Variants in AUTS2 observed in about 807,000 individuals in gnomAD.
AUTS2 encodes the protein autism susceptibility gene 2 protein.
AUTS2 carries 17 observed loss-of-function variants against 112.4 expected under a neutral mutation model. That is an observed-to-expected ratio of 0.15 (90% CI 0.10 to 0.23). The LOEUF (loss-of-function observed/expected upper bound fraction) is 0.23. AUTS2 is among the 10% of genes least tolerant of loss of function. The probability of loss-of-function intolerance (pLI) is 1.00; values close to 1 mark genes in which losing one functional copy is unlikely to be tolerated. For missense variants in AUTS2, 1,510 were observed against 1,701.6 expected (o/e 0.89, Z 1.98); for synonymous variants, 751 against 702.7 (o/e 1.07, Z -1.09).
chr7:70,396,145 T>C (rs1794071111), intron 4 of AUTS2, among the ~76,000 whole-genome samples: 1 of 152,128 alleles, frequency 6.6e-6, no homozygotes, highest in African/African-American at 2.4e-5. Flanking sequence ...ATCACCACAG[T>C]CAAGATAATG....
In AUTS2 at chr7:70,658,166, T is replaced by C. The variant is rs139680699; in HGVS notation, c.691-40403T>C. 4.7e-3 allele frequency among the ~76,000 whole-genome samples: 721 copies of C among 152,340 alleles called. 8 individuals carry two copies. Among genetic ancestry groups the C allele is most frequent in the African/African-American group, 0.016 (668 of 41,580 alleles). ...CAGTTGAACGCCAAGCCTAGTTTGA[T>C]AGGTACCTACTATGGACCTGGTGGA... On this transcript the variant is annotated intron_variant, in intron 5 of 18. Transcript: ENST00000342771.
In AUTS2 at chr7:70,134,522, A is replaced by G. The variant is rs776718995; in HGVS notation, c.625-14A>G. The G allele has an allele frequency of 6.2e-7, 1 of 1,613,492 alleles. No individual in the cohort carries two copies. The highest frequency in any genetic ancestry group is 2.2e-5 in the East Asian group (1 of 44,852). ...TTGCTGATTTTCCACTTTTGTCTTT[A>G]TGCTTTATTGCAGAGTTCAGCTCCT... On this transcript the variant is annotated splice_polypyrimidine_tract_variant and intron_variant, in intron 3 of 18. Transcript: ENST00000342771.
chr7:70,765,845 A>C (rs1225160783), intron 8 of AUTS2, among the ~76,000 whole-genome samples: 1 of 152,122 alleles, frequency 6.6e-6, no homozygotes, highest in African/African-American at 2.4e-5. Flanking sequence ...TGGAAATCGG[A>C]CTTTGGCATT....
chr7:70,496,890 A>G (rs934705647), intron 5 of AUTS2, among the ~76,000 whole-genome samples: 3 of 123,062 alleles, frequency 2.4e-5, no homozygotes, highest in Admixed American at 8.9e-5. Context: ...ACGTCACATC[A>G]GCGTCGATCA....
Position 70,791,432 on chromosome 7 carries a change from A to G in AUTS2, c.*436A>G, listed in dbSNP as rs1791954691. ...ATGAGCTAATGGTTCATATATGCAA[A>G]AGGGTAAGATGAAAGCTTTACTTTG... On this transcript the variant is annotated 3_prime_UTR_variant, in exon 19 of 19. Transcript: ENST00000342771. 6.3e-6 allele frequency: 1 copy of G among 158,552 alleles called. No homozygotes were observed. The highest frequency in any genetic ancestry group is 6.5e-5 in the Admixed American group (1 of 15,418). The allele number at this position is 158,552 out of a possible 1,614,324, so 9.8% of individuals were successfully genotyped here. A position where few individuals can be genotyped will look rare whatever the true frequency, so the allele number is the denominator to read the frequency against.
At chr7:69,899,945 A>G (rs1432321029) in intron 2 of AUTS2, among the ~76,000 whole-genome samples, 1 of 152,168 alleles carries the variant, frequency 6.6e-6, no homozygotes, top group Non-Finnish European at 1.5e-5. Context: ...TTTTCCGGGG[A>G]AGCTCAGATA....
intron 5 of AUTS2, among the ~76,000 whole-genome samples, chr7:70,529,124 T>G (rs1186778940): frequency 6.6e-6 from 1 of 152,176 alleles, no homozygotes; most frequent in African/African-American, 2.4e-5. Flanking sequence ...AGCTACTTCT[T>G]CTGGGCAGAC....
intron 6 of AUTS2, among the ~76,000 whole-genome samples, chr7:70,719,016 G>A (rs1362373215): frequency 3.9e-5 from 6 of 152,128 alleles, no homozygotes; most frequent in African/African-American, 1.2e-4. Flanking sequence ...CAATCCACTC[G>A]TGATGATACT....
At chr7:70,233,814 A>G (rs936457194) in intron 4 of AUTS2, among the ~76,000 whole-genome samples, 2 of 152,234 alleles carry the variant, frequency 1.3e-5, no homozygotes, top group Admixed American at 6.5e-5. Context: ...GATGCCCAAG[A>G]TGCAGAAGGC....
chr7:70,762,933 C>A lies in AUTS2; in HGVS notation c.806C>A (p.Pro269His). The A allele has an allele frequency of 6.2e-7, 1 of 1,614,074 alleles. No individual in the cohort carries two copies. Among genetic ancestry groups the A allele is most frequent in the Non-Finnish European group, 8.5e-7 (1 of 1,180,018 alleles). ...HDSQDAGPIV[P>H]KISGLERSQE... ...AGCCAGGATGCAGGGCCGATTGTCC[C>A]CAAGATATCGGGTCTAGAGAGAAGC... The change falls in exon 7 of 19, where the codon CCC becomes CAC. Residue 269 changes from proline (P) to histidine (H), a missense_variant. This residue lies in a region of AUTS2 where 535 missense variants were observed against 594.3 expected (regional missense o/e 0.90). Coordinates refer to ENST00000342771, the MANE Select transcript of AUTS2 (RefSeq NM_015570.4).
At chr7:70,393,998 A>G (rs552653422) in intron 4 of AUTS2, among the ~76,000 whole-genome samples, 113 of 152,322 alleles carry the variant, frequency 7.4e-4, no homozygotes, top group African/African-American at 2.6e-3. Context: ...TTTGGCTTCT[A>G]CAGCTACCTC....
chr7:70,179,922 T>C (rs1246204057), intron 4 of AUTS2, among the ~76,000 whole-genome samples: 3 of 152,214 alleles, frequency 2.0e-5, no homozygotes, highest in East Asian at 3.8e-4. Context: ...TCCCATGGGC[T>C]GTAGCTCTGT....
At chr7:70,117,789 C>T (rs907171359) in intron 2 of AUTS2, among the ~76,000 whole-genome samples, 1 of 151,702 alleles carries the variant, frequency 6.6e-6, no homozygotes, top group African/African-American at 2.4e-5. Flanking sequence ...AACGCTGTCG[C>T]CCAGTCTGGA....
intron 5 of AUTS2, among the ~76,000 whole-genome samples, chr7:70,607,217 C>T (rs1006844552): frequency 5.5e-5 from 8 of 146,074 alleles, no homozygotes; most frequent in Non-Finnish European, 1.1e-4. Context: ...CTGCGTGGAG[C>T]TTGCCATGTG....
chr7:70,307,283 C>T (rs577769335), intron 4 of AUTS2, among the ~76,000 whole-genome samples: 2 of 152,188 alleles, frequency 1.3e-5, no homozygotes, highest in South Asian at 2.1e-4. Context: ...TTGACCACAT[C>T]GGTCAGTTTG....
At chr7:69,694,015 A>T (rs1216852931) in intron 1 of AUTS2, among the ~76,000 whole-genome samples, 1 of 152,174 alleles carries the variant, frequency 6.6e-6, no homozygotes, top group African/African-American at 2.4e-5. Context: ...AGATTTGCTG[A>T]ATTTCATGGG....
chr7:70,325,503 G>A (rs540995481), intron 4 of AUTS2, among the ~76,000 whole-genome samples: 23 of 152,108 alleles, frequency 1.5e-4, no homozygotes, highest in African/African-American at 4.6e-4. Context: ...AGATATGGGC[G>A]TCACAATGGC....
intron 1 of AUTS2, among the ~76,000 whole-genome samples, chr7:69,674,098 C>CTGTGTCTGGGACAAGCCTCCCAG (rs1040606907): frequency 4.6e-5 from 7 of 152,342 alleles, no homozygotes; most frequent in Non-Finnish European, 1.0e-4. Context: ...AGGTTTCCCA[C>CTGTGTCTGGGACAAGCCTCCCAG]TGTGTCTGGG....
intron 4 of AUTS2, among the ~76,000 whole-genome samples, chr7:70,379,266 C>T (rs569225729): frequency 2.8e-4 from 43 of 152,108 alleles, no homozygotes; most frequent in Middle Eastern, 3.4e-3. Context: ...TTGGGGGAGC[C>T]GAGGCAGGTG....
Sources: allele counts gnomAD v4.1 joint callset (sites outside exome capture counted in the v4.1 genomes callset), GRCh38; gene constraint gnomAD v4.1.1; regional missense constraint gnomAD v4.1.1; transcripts MANE v1.5; gene names NCBI Gene and HGNC (gene_info 2026-07-23, HGNC 2026-07-21).